CDH13: variants seen among roughly 807,000 people sequenced by gnomAD.
The protein encoded by CDH13 is cadherin 13, also known as cadherin-13.
A neutral mutation model predicts 63.8 loss-of-function variants in CDH13; 24 were observed. That is an observed-to-expected ratio of 0.38 (90% CI 0.27 to 0.53). The LOEUF (loss-of-function observed/expected upper bound fraction) is 0.53, where lower values mean the gene tolerates loss of function less well. Among genes scored for constraint, CDH13 ranks in the 20% least tolerant of loss-of-function variants. The probability of loss-of-function intolerance (pLI) is 0.85; values close to 1 mark genes in which losing one functional copy is unlikely to be tolerated. For synonymous variants in CDH13, 503 were observed against 355.3 expected (o/e 1.42, Z -4.67); for missense variants, 1,049 against 903.1 (o/e 1.16, Z -2.07).
At chr16:83,322,223 G>A (rs1325630877) in intron 5 of CDH13, among the ~76,000 whole-genome samples, 2 of 152,198 alleles carry the variant, frequency 1.3e-5, no homozygotes, top group Non-Finnish European at 2.9e-5. Flanking sequence ...CTTTGGTGTT[G>A]CCGGCTGGTG....
chr16:83,603,534 G>A (rs1192489024), intron 8 of CDH13, among the ~76,000 whole-genome samples: 1 of 152,208 alleles, frequency 6.6e-6, no homozygotes, highest in Non-Finnish European at 1.5e-5. Flanking sequence ...CCAGGTTCCT[G>A]TGATTCAAAA....
chr16:82,995,259 C>T lies in CDH13; in HGVS notation c.158-36751C>T, dbSNP rs1030863789. 2.0e-5 allele frequency among the ~76,000 whole-genome samples: 3 copies of T among 152,188 alleles called. No individual in the cohort carries two copies. The East Asian group carries it at 5.8e-4, about 29-fold the overall frequency. On this transcript the variant is annotated intron_variant, in intron 2 of 13. Transcript: ENST00000567109. ...GCTATAGTCATCCTCCGTTTTGCAA[C>T]AGCAGATTTTGCTGGGCTCGTGGTC...
chr16:83,538,778 A>G (rs1216602390), intron 7 of CDH13, among the ~76,000 whole-genome samples: 1 of 152,222 alleles, frequency 6.6e-6, no homozygotes, highest in African/African-American at 2.4e-5. Context: ...TTAAAGACAT[A>G]TTAAACTGGA....
chr16:83,010,158 A>AAAAAC (rs1913994138), intron 2 of CDH13, among the ~76,000 whole-genome samples: 3 of 136,728 alleles, frequency 2.2e-5, no homozygotes, highest in African/African-American at 8.2e-5. Flanking sequence ...AAAAAAAAAA[A>AAAAAC]AAAACAAGAA....
intron 1 of CDH13, among the ~76,000 whole-genome samples, chr16:82,633,428 G>C (rs1406146797): frequency 6.6e-6 from 1 of 152,204 alleles, no homozygotes. Flanking sequence ...CACCCAAGCC[G>C]GAGTGCGGTG....
Position 83,264,552 on chromosome 16 carries a change from A to ATGTG in CDH13, c.636+47067_636+47070dup, listed in dbSNP as rs35460307. On this transcript the variant is annotated intron_variant, in intron 5 of 13. Transcript: ENST00000567109. ...TGTATATGTGTGTGTATATATATGT[A>ATGTG]TGTGTGTGTGTGTGTATACATATGT... 4.3e-3 allele frequency among the ~76,000 whole-genome samples: 647 copies of ATGTG among 149,816 alleles called. 5 individuals are homozygous for ATGTG. Among genetic ancestry groups the ATGTG allele is most frequent in the African/African-American group, 0.014 (572 of 40,866 alleles).
At chr16:82,638,691 A>G (rs895491628) in intron 1 of CDH13, among the ~76,000 whole-genome samples, 2 of 152,102 alleles carry the variant, frequency 1.3e-5, no homozygotes, top group African/African-American at 4.8e-5. Context: ...GCCAATTCCC[A>G]TATTAGTAGG....
At chr16:83,557,087 C>G (rs2075619372) in intron 7 of CDH13, among the ~76,000 whole-genome samples, 2 of 152,192 alleles carry the variant, frequency 1.3e-5, no homozygotes, top group Admixed American at 6.5e-5. Flanking sequence ...ACTTCCTGAG[C>G]TCCTCCTCCT....
intron 2 of CDH13, among the ~76,000 whole-genome samples, chr16:82,980,906 G>A (rs940810434): frequency 2.6e-5 from 4 of 152,178 alleles, no homozygotes; most frequent in South Asian, 2.1e-4. Context: ...GGCTGCTCCC[G>A]TTGTTAATTG....
intron 5 of CDH13, among the ~76,000 whole-genome samples, chr16:83,314,869 ATTC>A (rs2090074068): frequency 6.6e-6 from 1 of 152,202 alleles, no homozygotes; most frequent in South Asian, 2.1e-4. Context: ...TTTCCAACCT[ATTC>A]TTCTTTAGTC....
At chr16:83,302,521 C>G (rs1315535613) in intron 5 of CDH13, among the ~76,000 whole-genome samples, 1 of 152,156 alleles carries the variant, frequency 6.6e-6, no homozygotes, top group Non-Finnish European at 1.5e-5. Context: ...TCATGAAAGT[C>G]ACAACATAAA....
intron 1 of CDH13, among the ~76,000 whole-genome samples, chr16:82,648,273 A>C (rs896120367): frequency 6.6e-6 from 1 of 152,234 alleles, no homozygotes; most frequent in African/African-American, 2.4e-5. Context: ...TAAATACAGG[A>C]AAATATGTAC....
chr16:83,067,231 T>G (rs2151534957), intron 3 of CDH13, among the ~76,000 whole-genome samples: 1 of 152,286 alleles, frequency 6.6e-6, no homozygotes, highest in East Asian at 1.9e-4. Flanking sequence ...TGACTGTATC[T>G]CTGAGTAATG....
intron 7 of CDH13, among the ~76,000 whole-genome samples, chr16:83,583,304 G>A (rs1351917364): frequency 3.3e-5 from 5 of 152,114 alleles, no homozygotes; most frequent in Admixed American, 3.3e-4. Context: ...ACATTCGCAG[G>A]TACTGGGGGT....
chr16:83,660,953 C>G (rs1913388996), intron 8 of CDH13, among the ~76,000 whole-genome samples: 1 of 151,832 alleles, frequency 6.6e-6, no homozygotes, highest in Non-Finnish European at 1.5e-5. Context: ...GGCATATTTG[C>G]TCTTTGGTTT....
intron 4 of CDH13, among the ~76,000 whole-genome samples, chr16:83,156,412 T>C (rs922930713): frequency 6.6e-6 from 1 of 152,174 alleles, no homozygotes; most frequent in African/African-American, 2.4e-5. Context: ...CATTGTGCCA[T>C]ATCCATGGCC....
At chr16:82,958,681 T>C (rs1243669930) in intron 2 of CDH13, among the ~76,000 whole-genome samples, 1 of 152,168 alleles carries the variant, frequency 6.6e-6, no homozygotes, top group East Asian at 1.9e-4. Context: ...GTTCAAAACA[T>C]TCATTTAGGA....
intron 1 of CDH13, among the ~76,000 whole-genome samples, chr16:82,798,011 T>A (rs1337844415): frequency 6.6e-6 from 1 of 152,144 alleles, no homozygotes; most frequent in African/African-American, 2.4e-5. Flanking sequence ...CATTGAGCCA[T>A]CACAAAGTAA....
At chr16:83,160,953 G>C (rs193198424) in intron 4 of CDH13, among the ~76,000 whole-genome samples, 201 of 152,292 alleles carry the variant, frequency 1.3e-3, no homozygotes, top group Non-Finnish European at 2.4e-3. Flanking sequence ...AAGCTTTCCT[G>C]TTAGGGCAGA....
Sources: allele counts gnomAD v4.1 joint callset (sites outside exome capture counted in the v4.1 genomes callset), GRCh38; gene constraint gnomAD v4.1.1; transcripts MANE v1.5; gene names NCBI Gene and HGNC (gene_info 2026-07-23, HGNC 2026-07-21).